TAS2R1: variants seen among roughly 807,000 people sequenced by gnomAD.
TAS2R1 encodes the protein taste 2 receptor member 1.
For missense variants in TAS2R1, 370 were observed against 353.4 expected (o/e 1.05, Z -0.38); for synonymous variants, 141 against 134.2 (o/e 1.05, Z -0.35).
chr5:9,827,042 C>A, the TAS2R1 span, among the ~76,000 whole-genome samples: 12 of 152,160 alleles, frequency 7.9e-5, no homozygotes, highest in African/African-American at 2.9e-4. Flanking sequence ...TAACTTTACC[C>A]AGCTCCTGAG....
At chr5:9,631,221 T>A (rs1739867242), upstream of TAS2R1, among the ~76,000 whole-genome samples, 1 of 152,034 alleles carries the variant, frequency 6.6e-6, no homozygotes, top group South Asian at 2.1e-4. Context: ...GCCACATATA[T>A]AATGTGATAT....
chr5:9,712,509 G>T (rs1176789120), upstream of TAS2R1: 1 of 152,206 alleles, frequency 6.6e-6, no homozygotes, highest in Non-Finnish European at 1.5e-5. Context: ...TAAGAGCGAA[G>T]ATTGAGGCTT....
At chr5:9,866,596 G>A in the TAS2R1 span, among the ~76,000 whole-genome samples, 1 of 152,146 alleles carries the variant, frequency 6.6e-6, no homozygotes, top group African/African-American at 2.4e-5. Flanking sequence ...CTGAGGAATG[G>A]CATGTTTCCA....
intron 1 of TAS2R1, among the ~76,000 whole-genome samples, chr5:9,710,331 T>G (rs1409917909): frequency 6.6e-6 from 1 of 152,246 alleles, no homozygotes; most frequent in African/African-American, 2.4e-5. Context: ...GCTGTCTCCT[T>G]TACAAAGAGT....
At chr5:9,763,587 G>C in the TAS2R1 span, among the ~76,000 whole-genome samples, 1 of 152,308 alleles carries the variant, frequency 6.6e-6, no homozygotes, top group South Asian at 2.1e-4. Flanking sequence ...TGGGAACAAG[G>C]AAACATACCA....
At chr5:9,850,799 G>C in the TAS2R1 span, among the ~76,000 whole-genome samples, 2 of 152,218 alleles carry the variant, frequency 1.3e-5, no homozygotes, top group African/African-American at 4.8e-5. Context: ...CTCATACATG[G>C]TATCAACCCC....
In TAS2R1 at chr5:9,629,127, T is replaced by G; in HGVS notation, c.*6A>C. 6.5e-7 allele frequency: 1 copy of G among 1,538,076 alleles called. No homozygotes were observed. ...ATGGGTTCTTTGAACTGATCCAACT[T>G]CTCTCTCACTGACAGCACTTACTGT... is the stretch of plus-strand genomic sequence containing the variant. On this transcript the variant is annotated 3_prime_UTR_variant, in exon 1 of 1. Coordinates refer to ENST00000382492, the MANE Select transcript of TAS2R1 (RefSeq NM_019599.3).
intron 1 of TAS2R1, among the ~76,000 whole-genome samples, chr5:9,668,743 C>G (rs1432687784): frequency 6.6e-6 from 1 of 152,084 alleles, no homozygotes; most frequent in East Asian, 1.9e-4. Flanking sequence ...ACCTGCCTTA[C>G]TAGAGGTCCT....
the TAS2R1 span, among the ~76,000 whole-genome samples, chr5:9,753,976 T>C: frequency 6.6e-6 from 1 of 152,110 alleles, no homozygotes; most frequent in African/African-American, 2.4e-5. Flanking sequence ...TGAAGTCAGG[T>C]AGCATGATGA....
At chr5:9,717,047 G>A (rs1734827152), upstream of TAS2R1, among the ~76,000 whole-genome samples, 1 of 152,168 alleles carries the variant, frequency 6.6e-6, no homozygotes, top group Non-Finnish European at 1.5e-5. Flanking sequence ...GCCTGTGGAT[G>A]CAGAGAGCAG....
At chr5:9,876,848 AC>A in the TAS2R1 span, among the ~76,000 whole-genome samples, 14 of 152,224 alleles carry the variant, frequency 9.2e-5, no homozygotes, top group Non-Finnish European at 1.8e-4. Context: ...TGCAGAGATT[AC>A]AAAGAACATT....
At position 9,666,440 on chromosome 5, in the gene TAS2R1, T is replaced by C. The variant is rs535470308; in HGVS notation, c.-241-6859A>G. ...TCTTAATGTCTACAAAATATCTTCATTGATGTTCATTATATCTGGGAGGAA... is the reference window on the plus strand; with the variant it reads ...TCTTAATGTCTACAAAATATCTTCACTGATGTTCATTATATCTGGGAGGAA... On this transcript the variant is annotated intron_variant, in intron 1 of 2. Transcript: ENST00000506620. 3.3e-4 allele frequency among the ~76,000 whole-genome samples: 50 copies of C among 152,286 alleles called. No homozygotes were observed. In the East Asian group the frequency reaches 3.9e-3, roughly 12 times the overall value.
the TAS2R1 span, among the ~76,000 whole-genome samples, chr5:9,871,309 C>T: frequency 1.3e-5 from 2 of 152,218 alleles, no homozygotes; most frequent in African/African-American, 4.8e-5. Context: ...TTGACTATGT[C>T]CTTTCCAAGC....
At chr5:9,728,538 T>A in the TAS2R1 span, among the ~76,000 whole-genome samples, 1 of 152,172 alleles carries the variant, frequency 6.6e-6, no homozygotes, top group African/African-American at 2.4e-5. Context: ...CTGGTAGAAG[T>A]CAAGTTTGCA....
chr5:9,862,535 A>G, the TAS2R1 span, among the ~76,000 whole-genome samples: 1 of 152,140 alleles, frequency 6.6e-6, no homozygotes, highest in African/African-American at 2.4e-5. Context: ...AGAATCCACT[A>G]AGTTAGAACA....
the TAS2R1 span, among the ~76,000 whole-genome samples, chr5:9,864,056 G>A: frequency 6.6e-6 from 1 of 152,300 alleles, no homozygotes; most frequent in South Asian, 2.1e-4. Flanking sequence ...GCCCATAACT[G>A]AATACAAGTA....
Position 9,628,887 on chromosome 5 carries a change from A to G in TAS2R1, c.*246T>C. ...CCCAATGGTAACAACTTGCACGATG[A>G]TAGTACAATATCACTACCAGGATAT... is the stretch of plus-strand genomic sequence containing the variant. On this transcript the variant is annotated 3_prime_UTR_variant, in exon 1 of 1. Coordinates refer to ENST00000382492, the MANE Select transcript of TAS2R1 (RefSeq NM_019599.3). The G allele has an allele frequency of 2.8e-6, 1 of 362,316 alleles. No homozygotes were observed. The highest frequency in any genetic ancestry group is 4.9e-6 in the Non-Finnish European group (1 of 203,410). 22.4% of individuals were successfully genotyped at this position (362,316 alleles called of 1,614,324 possible). A position where few individuals can be genotyped will look rare whatever the true frequency, so the allele number is the denominator to read the frequency against.
the TAS2R1 span, among the ~76,000 whole-genome samples, chr5:9,725,504 G>A: frequency 6.6e-6 from 1 of 152,182 alleles, no homozygotes; most frequent in Non-Finnish European, 1.5e-5. Flanking sequence ...CAGCAGTGCC[G>A]GCCTACCGGC....
chr5:9,716,298 C>A (rs533283581), upstream of TAS2R1, among the ~76,000 whole-genome samples: 3 of 152,194 alleles, frequency 2.0e-5, no homozygotes, highest in African/African-American at 7.2e-5. Context: ...AGGCAGGAAG[C>A]CAGCTAGCAG....
Sources: gnomAD v4.1 joint callset for allele counts (sites outside exome capture counted in the v4.1 genomes callset) on GRCh38, gnomAD v4.1.1 for gene constraint, MANE v1.5 for transcripts, NCBI Gene and HGNC (gene_info 2026-07-23, HGNC 2026-07-21) for gene names.